Variants in FOXK2 observed in about 807,000 individuals in gnomAD.
FOXK2 encodes forkhead box K2, also known as forkhead box protein K2.
Under a neutral mutation model 53.3 loss-of-function variants are expected in FOXK2, and 24 were observed. That is an observed-to-expected ratio of 0.45 (90% CI 0.33 to 0.63). The LOEUF is 0.63. Ranked by LOEUF, FOXK2 falls within the 30% of genes least tolerant of loss-of-function variation. The probability of loss-of-function intolerance (pLI) is 0.03; values close to 1 mark genes in which losing one functional copy is unlikely to be tolerated. For synonymous variants in FOXK2, 505 were observed against 407.1 expected (o/e 1.24, Z -2.89); for missense variants, 952 against 910.5 (o/e 1.05, Z -0.59).
Position 82,567,659 on chromosome 17 carries a change from C to T in FOXK2, c.615-395C>T, listed in dbSNP as rs80236189. 1.1e-3 allele frequency among the ~76,000 whole-genome samples: 164 copies of T among 152,322 alleles called. 3 individuals are homozygous for T. The East Asian group carries it at 0.028, about 26-fold the overall frequency. On this transcript the variant is annotated intron_variant, in intron 2 of 8. Coordinates refer to ENST00000335255, the MANE Select transcript of FOXK2 (RefSeq NM_004514.4). ...GACTTTCCCTGTCTTTTCTGTGCCC[C>T]CTGTCACAGCTCCTCAGTGAGGACC...
intron 1 of FOXK2, among the ~76,000 whole-genome samples, chr17:82,532,873 A>G (rs2044485646): frequency 6.6e-6 from 1 of 152,160 alleles, no homozygotes; most frequent in South Asian, 2.1e-4. Flanking sequence ...TGACCACAAA[A>G]ATATTTTTGT....
intron 1 of FOXK2, among the ~76,000 whole-genome samples, chr17:82,531,961 T>C (rs1035121539): frequency 2.0e-5 from 3 of 152,072 alleles, no homozygotes; most frequent in African/African-American, 7.2e-5. Flanking sequence ...CTGCCTCAGC[T>C]TCCCGAGTAG....
At chr17:82,546,698 G>T (rs1196585722) in intron 1 of FOXK2, among the ~76,000 whole-genome samples, 1 of 151,938 alleles carries the variant, frequency 6.6e-6, no homozygotes, top group Non-Finnish European at 1.5e-5. Flanking sequence ...GAACTCCTGG[G>T]CTCAAGTGTT....
At chr17:82,588,392 T>C (rs2045217207) in intron 8 of FOXK2, 1 of 161,356 alleles carries the variant, frequency 6.2e-6, no homozygotes. Flanking sequence ...CCGGGAGGGC[T>C]GGCGATTGGA....
chr17:82,530,454 A>C (rs552987353), intron 1 of FOXK2, among the ~76,000 whole-genome samples: 1 of 143,308 alleles, frequency 7.0e-6, no homozygotes, highest in East Asian at 2.0e-4. Flanking sequence ...CTAAAAAAAA[A>C]AAAAAAAAAA....
intron 1 of FOXK2, among the ~76,000 whole-genome samples, chr17:82,552,114 A>G (rs1010017139): frequency 3.3e-5 from 5 of 152,230 alleles, no homozygotes; most frequent in Admixed American, 2.0e-4. Context: ...GCGGTGGACC[A>G]AGGCACACGC....
intron 1 of FOXK2, among the ~76,000 whole-genome samples, chr17:82,544,686 C>CT (rs1362926198): frequency 6.6e-6 from 1 of 152,068 alleles, no homozygotes; most frequent in Non-Finnish European, 1.5e-5. Context: ...TTTTTTGGAG[C>CT]TTTTTTGCTT....
At chr17:82,594,322 C>T (rs1476444035) in intron 8 of FOXK2, among the ~76,000 whole-genome samples, 2 of 152,082 alleles carry the variant, frequency 1.3e-5, no homozygotes, top group Non-Finnish European at 2.9e-5. Flanking sequence ...CACGGTGAAA[C>T]CCTGTCTCCA....
intron 3 of FOXK2, among the ~76,000 whole-genome samples, chr17:82,571,061 G>C (rs955916438): frequency 1.2e-4 from 18 of 152,108 alleles, no homozygotes; most frequent in African/African-American, 4.3e-4. Flanking sequence ...CTTATGCCTG[G>C]GGAGGGGTGC....
Position 82,586,044 on chromosome 17 carries a change from G to A in FOXK2, c.1420G>A (p.Val474Ile), listed in dbSNP as rs775896823. 1.1e-5 allele frequency: 18 copies of A among 1,612,682 alleles called. No homozygotes were observed. The highest frequency in any genetic ancestry group is 6.7e-5 in the East Asian group (3 of 44,894). ...ACCCGTCGTGCAGACGGTTCACGTC[G>A]TCCACCAGATCCCAGCGGTGTCGGT... ...QPPVVQTVHV[V>I]HQIPAVSVTS... The change falls in exon 7 of 9, where the codon GTC becomes ATC. Residue 474 changes from valine to isoleucine, a missense_variant. By Grantham distance (29) the Val-to-Ile change is conservative. This residue lies in a region of FOXK2 where 551 missense variants were observed against 385.1 expected (regional missense o/e 1.43). Transcript: ENST00000335255.
At chr17:82,588,901 A>C (rs2045225273) in intron 8 of FOXK2, among the ~76,000 whole-genome samples, 1 of 151,424 alleles carries the variant, frequency 6.6e-6, no homozygotes, top group South Asian at 2.1e-4. Flanking sequence ...AAAAAAAAAA[A>C]AAAACAAATT....
intron 1 of FOXK2, among the ~76,000 whole-genome samples, chr17:82,560,809 GA>G (rs56040589): frequency 7.2e-5 from 11 of 152,108 alleles, no homozygotes; most frequent in African/African-American, 2.7e-4. Flanking sequence ...ACCAGCCTGG[GA>G]AACAGCCTGG....
Position 82,519,794 on chromosome 17 carries a change from T to G in FOXK2, c.-95T>G, listed in dbSNP as rs1474907682. The stretch of plus-strand genomic sequence containing the variant: ...CCTCCGCTCGGCCCCCTCCCTCAGC[T>G]CCGGTGCGCGGCGGCCGACGACCCG... On this transcript the variant is annotated 5_prime_UTR_variant, in exon 1 of 9. Transcript: ENST00000335255. The G allele has an allele frequency of 2.1e-5, 8 of 374,846 alleles. No individual in the cohort carries two copies. The highest frequency in any genetic ancestry group is 2.5e-5 in the Non-Finnish European group (7 of 277,598). The allele number at this position is 374,846 out of a possible 1,614,324, so 23.2% of individuals were successfully genotyped here. A position where few individuals can be genotyped will look rare whatever the true frequency, so the allele number is the denominator to read the frequency against.
At chr17:82,584,239 G>A (rs775102088) in intron 6 of FOXK2, 51 bp downstream of exon 6, 20 of 1,492,812 alleles carry the variant, frequency 1.3e-5, no homozygotes, top group South Asian at 7.7e-5. Context: ...AGCCAGACGC[G>A]GACGCCTGGG....
At chr17:82,562,862 G>C (rs1175559006) in intron 1 of FOXK2, among the ~76,000 whole-genome samples, 1 of 151,348 alleles carries the variant, frequency 6.6e-6, no homozygotes, top group Non-Finnish European at 1.5e-5. Flanking sequence ...CTGAAGTGCA[G>C]TGGCACTATC....
At chr17:82,556,081 A>G (rs1181787757) in intron 1 of FOXK2, among the ~76,000 whole-genome samples, 1 of 152,148 alleles carries the variant, frequency 6.6e-6, no homozygotes, top group African/African-American at 2.4e-5. Context: ...AAGTGTGTGT[A>G]TCGTGCGTAT....
At chr17:82,567,105 T>C in intron 2 of FOXK2, among the ~76,000 whole-genome samples, 1 of 151,944 alleles carries the variant, frequency 6.6e-6, no homozygotes, top group East Asian at 1.9e-4. Flanking sequence ...GCCCTTTCCC[T>C]CCTCCCCCCC....
intron 1 of FOXK2, among the ~76,000 whole-genome samples, chr17:82,537,851 G>A (rs2044535712): frequency 6.6e-6 from 1 of 150,922 alleles, no homozygotes; most frequent in African/African-American, 2.4e-5. Flanking sequence ...GAACCTGGGA[G>A]GTGGAGGTTA....
intron 1 of FOXK2, among the ~76,000 whole-genome samples, chr17:82,532,065 G>A (rs1274652482): frequency 2.6e-5 from 4 of 152,054 alleles, no homozygotes; most frequent in African/African-American, 9.7e-5. Flanking sequence ...GTCCAGGCTG[G>A]TCTTGAACTC....
Sources: allele counts gnomAD v4.1 joint callset (sites outside exome capture counted in the v4.1 genomes callset), GRCh38; gene constraint gnomAD v4.1.1; regional missense constraint gnomAD v4.1.1; transcripts MANE v1.5; gene names NCBI Gene and HGNC (gene_info 2026-07-23, HGNC 2026-07-21).